Variants in EXOC6B observed in about 807,000 individuals in gnomAD.
EXOC6B encodes SEC15 homolog B.
A neutral mutation model predicts 113.5 loss-of-function variants in EXOC6B; 54 were observed. The ratio of observed to expected loss-of-function variants is 0.48; its 90% confidence interval spans 0.38 to 0.60. The LOEUF (loss-of-function observed/expected upper bound fraction) is 0.60, where lower values mean the gene tolerates loss of function less well. Among genes scored for constraint, EXOC6B ranks in the 20% least tolerant of loss-of-function variants. EXOC6B has a pLI of 0.00. For synonymous variants in EXOC6B, 357 were observed against 339.0 expected, an observed-to-expected ratio of 1.05 and a Z score of -0.58; for missense variants, 797 against 977.5, an observed-to-expected ratio of 0.82 and a Z score of 2.46.
rs761690851 is a variant in EXOC6B, at chr2:72,550,919, A to AT, written c.915+8533dup. ...GATAACTGCCATTTATTTTTTTTTTATTTTTTTTTTTTTTTTTGAGACGGA... is the reference window on the plus strand; with the variant it reads ...GATAACTGCCATTTATTTTTTTTTTATTTTTTTTTTTTTTTTTTGAGACGGA... On this transcript the variant is annotated intron_variant, in intron 8 of 21. Transcript: ENST00000272427. Among the ~76,000 whole-genome samples the AT allele has an allele frequency of 7.4e-3, 980 of 133,078 alleles. 1 individual carries two copies. The highest frequency in any genetic ancestry group is 0.014 in the East Asian group (65 of 4,514). 87.3% of individuals were successfully genotyped at this position (133,078 alleles called of 152,430 possible).
intron 18 of EXOC6B, among the ~76,000 whole-genome samples, chr2:72,447,992 C>A (rs1226323581): frequency 6.6e-6 from 1 of 152,150 alleles, no homozygotes; most frequent in African/African-American, 2.4e-5. Context: ...AAAATGACTG[C>A]CCCTAAATGC....
chr2:72,577,677 A>T (rs1438224453), intron 6 of EXOC6B, among the ~76,000 whole-genome samples: 1 of 151,530 alleles, frequency 6.6e-6, no homozygotes, highest in Non-Finnish European at 1.5e-5. Context: ...AAATACATAT[A>T]ATATATATTA....
At chr2:72,533,907 C>T (rs1025399238) in intron 8 of EXOC6B, among the ~76,000 whole-genome samples, 3 of 152,082 alleles carry the variant, frequency 2.0e-5, no homozygotes, top group African/African-American at 4.8e-5. Context: ...AAGGAGGTTT[C>T]GAATATGACT....
At chr2:72,698,600 A>G (rs1678060970) in intron 6 of EXOC6B, among the ~76,000 whole-genome samples, 2 of 151,648 alleles carry the variant, frequency 1.3e-5, no homozygotes, top group Admixed American at 1.3e-4. Flanking sequence ...TGTACAACAG[A>G]AATAAGGAGC....
At chr2:72,539,796 AT>A (rs1018913102) in intron 8 of EXOC6B, among the ~76,000 whole-genome samples, 11 of 151,694 alleles carry the variant, frequency 7.3e-5, no homozygotes, top group African/African-American at 2.7e-4. Flanking sequence ...ACTAAATATA[AT>A]TTTTTTATTA....
intron 6 of EXOC6B, among the ~76,000 whole-genome samples, chr2:72,677,969 A>G (rs1195613364): frequency 6.6e-6 from 1 of 152,228 alleles, no homozygotes; most frequent in Non-Finnish European, 1.5e-5. Context: ...TTTAGTGACA[A>G]TAGAGGATTG....
At chr2:72,328,832 A>G (rs935737378) in intron 20 of EXOC6B, among the ~76,000 whole-genome samples, 1 of 152,092 alleles carries the variant, frequency 6.6e-6, no homozygotes, top group East Asian at 1.9e-4. Flanking sequence ...GGTACAGATA[A>G]TCTCTTCCAA....
chr2:72,485,560 C>G (rs10206555), intron 16 of EXOC6B, among the ~76,000 whole-genome samples: 19,546 of 152,246 alleles, frequency 0.13, 1,461 homozygotes, highest in African/African-American at 0.21. Flanking sequence ...GTCAACCACT[C>G]ATTTTATACC....
intron 1 of EXOC6B, among the ~76,000 whole-genome samples, chr2:72,761,129 G>A (rs965056475): frequency 1.3e-5 from 2 of 151,998 alleles, no homozygotes; most frequent in Non-Finnish European, 2.9e-5. Flanking sequence ...GCAGTAAGCC[G>A]AGATTGTGCC....
chr2:72,292,608 C>T (rs770547030), intron 20 of EXOC6B, among the ~76,000 whole-genome samples: 8 of 151,708 alleles, frequency 5.3e-5, no homozygotes, highest in Non-Finnish European at 1.2e-4. Flanking sequence ...TTCATGTAAC[C>T]ATCACAACAA....
chr2:72,499,762 G>A (rs984220670), intron 12 of EXOC6B, 139 bp downstream of exon 12: 1 of 607,314 alleles, frequency 1.6e-6, no homozygotes, highest in African/African-American at 1.9e-5. Context: ...TTGGACTCTT[G>A]GACTCAAGCA....
chr2:72,630,469 T>C (rs1307984223), intron 6 of EXOC6B, among the ~76,000 whole-genome samples: 1 of 152,198 alleles, frequency 6.6e-6, no homozygotes. Context: ...TTATCCTCTC[T>C]ACACTCATTC....
At chr2:72,188,673 T>A (rs1678606541) in intron 20 of EXOC6B, among the ~76,000 whole-genome samples, 1 of 152,200 alleles carries the variant, frequency 6.6e-6, no homozygotes, top group South Asian at 2.1e-4. Context: ...CCAGCCTGAT[T>A]CTCCACATAC....
chr2:72,696,637 G>A (rs913436712), intron 6 of EXOC6B, among the ~76,000 whole-genome samples: 4 of 152,088 alleles, frequency 2.6e-5, no homozygotes, highest in South Asian at 2.1e-4. Context: ...AAACCATAAC[G>A]CCACCATGCA....
At chr2:72,397,603 G>A (rs1320809667) in intron 18 of EXOC6B, among the ~76,000 whole-genome samples, 3 of 112,772 alleles carry the variant, frequency 2.7e-5, no homozygotes, top group East Asian at 2.0e-4. Flanking sequence ...CTGGTGACAG[G>A]TGAAACCTCA....
At chr2:72,798,364 A>G (rs80259511) in intron 1 of EXOC6B, among the ~76,000 whole-genome samples, 28 of 149,054 alleles carry the variant, frequency 1.9e-4, no homozygotes, top group Admixed American at 1.3e-4. Flanking sequence ...ATTCTAATTG[A>G]AAAAAAAAAG....
chr2:72,572,923 A>G (rs1411632490), intron 7 of EXOC6B, among the ~76,000 whole-genome samples: 1 of 152,238 alleles, frequency 6.6e-6, no homozygotes, highest in African/African-American at 2.4e-5. Flanking sequence ...TTAAGAGCTC[A>G]ATCAGCAAAT....
intron 20 of EXOC6B, among the ~76,000 whole-genome samples, chr2:72,245,799 T>C (rs977096235): frequency 6.6e-6 from 1 of 152,142 alleles, no homozygotes; most frequent in African/African-American, 2.4e-5. Context: ...AACTTAAAGA[T>C]AATGTATTAA....
At chr2:72,511,953 T>G (rs1350103075) in intron 11 of EXOC6B, among the ~76,000 whole-genome samples, 2 of 152,120 alleles carry the variant, frequency 1.3e-5, no homozygotes, top group Non-Finnish European at 2.9e-5. Flanking sequence ...AAGAAATTGT[T>G]TTAATGCTAA....
Sources: gnomAD v4.1 joint callset for allele counts (sites outside exome capture counted in the v4.1 genomes callset) on GRCh38, gnomAD v4.1.1 for gene constraint, MANE v1.5 for transcripts, NCBI Gene and HGNC (gene_info 2026-07-23, HGNC 2026-07-21) for gene names.